The following ZNF112 variants were observed in gnomAD, a reference collection of about 807,000 sequenced individuals.
ZNF112 encodes zinc finger protein 112 (Y14).
A neutral mutation model predicts 77.7 loss-of-function variants in ZNF112; 37 were observed. That is an observed-to-expected ratio of 0.48 (90% CI 0.37 to 0.63). ZNF112 has a LOEUF of 0.63. Ranked by LOEUF, ZNF112 falls within the 20% of genes least tolerant of loss-of-function variation. ZNF112 has a pLI of 0.00. For missense variants in ZNF112, 950 were observed against 1,077.4 expected, an observed-to-expected ratio of 0.88 and a Z score of 1.66; for synonymous variants, 333 against 363.6, an observed-to-expected ratio of 0.92 and a Z score of 0.96.
chr19:44,329,205 C>T lies in ZNF112; in HGVS notation c.952G>A (p.Val318Met). 1 of 1,613,852 alleles carries T rather than the reference C, an allele frequency of 6.2e-7. No individual in the cohort carries two copies. The highest frequency in any genetic ancestry group is 1.1e-5 in the South Asian group (1 of 91,082). Residue 318 changes from valine to methionine, a missense_variant, in exon 4 of 4, where the codon GTG becomes ATG. Physicochemically the swap from Val to Met is conservative, Grantham distance 21 (BLOSUM62 1). Around this residue, in one of 3 missense-constraint regions of ZNF112, gnomAD observed 560 missense variants for 557.3 expected, o/e 1.00. Coordinates refer to ENST00000354340, the MANE Select transcript of ZNF112 (RefSeq NM_013380.4). ...ENSHLKSYQR[V>M]HTEEKPCKCG... ...TTGCATGGTTTCTCCTCTGTATGCA[C>T]TCTCTGATAGGATTTCAGATGTGAA...
At chr19:44,354,013 C>T (rs2571062) in intron 1 of ZNF112, among the ~76,000 whole-genome samples, 114,626 of 152,058 alleles carry the variant, frequency 0.75, 43,503 homozygotes, top group African/African-American at 0.85. Flanking sequence ...ATAAAGTGGA[C>T]ACTTCTGTTA....
In ZNF112 at chr19:44,327,583, A is replaced by T; in HGVS notation, c.2574T>A (p.Asp858Glu). 6.2e-7 allele frequency: 1 copy of T among 1,614,034 alleles called. No individual in the cohort carries two copies. Residue 858 changes from aspartate to glutamate, a missense_variant, in exon 4 of 4, where the codon GAT (aspartate) becomes GAA (glutamate). Physicochemically the swap from Asp to Glu is conservative, Grantham distance 45 (BLOSUM62 2). Around this residue, in one of 3 missense-constraint regions of ZNF112, gnomAD observed 373 missense variants for 482.8 expected, o/e 0.77. Coordinates refer to ENST00000354340, the MANE Select transcript of ZNF112 (RefSeq NM_013380.4). ...TCCAACGGAAACCCTTACCACATGC[A>T]TCACATTTGTATGGTTTCTCTCCTG... ...VHTGEKPYKCDACGKGFRWSS... is the reference protein window; with the variant it reads ...VHTGEKPYKCEACGKGFRWSS...
chr19:44,327,944 G>T lies in ZNF112; in HGVS notation c.2213C>A (p.Thr738Asn). 6.2e-7 allele frequency: 1 copy of T among 1,613,540 alleles called. No individual in the cohort carries two copies. Among genetic ancestry groups the T allele is most frequent in the East Asian group, 2.2e-5 (1 of 44,838 alleles). The change falls in exon 4 of 4, where the codon ACT (threonine) becomes AAT (asparagine). Residue 738 changes from threonine (T) to asparagine (N), a missense_variant. By Grantham distance (65) the Thr-to-Asn change is moderately conservative. Transcript: ENST00000354340. The part of the protein sequence containing the change: ...AYLQGHQRVH[T>N]RVKPYKCEMC... ...CTCACATTTATACGGTTTCACTCTA[G>T]TGTGGACTCTCTGATGACCTTGAAG...
At chr19:44,343,410 C>A in intron 1 of ZNF112, 1 of 881,944 alleles carries the variant, frequency 1.1e-6, no homozygotes, top group Non-Finnish European at 1.8e-6. Context: ...TGTGGCCACA[C>A]ACCGGCGTTA....
chr19:44,353,397 G>A (rs527319967), intron 1 of ZNF112, among the ~76,000 whole-genome samples: 138 of 152,136 alleles, frequency 9.1e-4, no homozygotes, highest in African/African-American at 3.2e-3. Flanking sequence ...TAAATTAGAT[G>A]TAATTAAAAT....
chr19:44,336,045 G>A (rs751753396), intron 3 of ZNF112, among the ~76,000 whole-genome samples: 11 of 152,196 alleles, frequency 7.2e-5, no homozygotes, highest in Non-Finnish European at 1.3e-4. Context: ...TGTCTCACTT[G>A]AAAATGCTGC....
rs368917794 is a variant in ZNF112 at position 44,329,836 on chromosome 19, T to C, written c.321A>G (p.Ala107=). 6.2e-7 allele frequency: 1 copy of C among 1,613,898 alleles called. No homozygotes were observed. The highest frequency in any genetic ancestry group is 1.3e-5 in the African/African-American group (1 of 74,942). The change falls in exon 4 of 4, where the codon GCA becomes GCG. Residue 107 remains alanine (A), a synonymous_variant. Coordinates refer to ENST00000354340, the MANE Select transcript of ZNF112 (RefSeq NM_013380.4). Reference sequence around the variant, plus strand: ...AATCTTGACACCTGATTAACCCACCTGCACTTTGTTGCCAGGTCTGACGGG... The same window carrying C: ...AATCTTGACACCTGATTAACCCACCCGCACTTTGTTGCCAGGTCTGACGGG... ...LSSRQTWQQS[A]GGLIRCQDFL...
chr19:44,337,831 A>G (rs1247841571), intron 2 of ZNF112, among the ~76,000 whole-genome samples: 2 of 29,742 alleles, frequency 6.7e-5, no homozygotes, highest in African/African-American at 1.4e-4. Flanking sequence ...GTATGTATAT[A>G]CATACACATA....
chr19:44,346,843 G>A (rs933008724), intron 1 of ZNF112, among the ~76,000 whole-genome samples: 1 of 152,196 alleles, frequency 6.6e-6, no homozygotes, highest in Non-Finnish European at 1.5e-5. Context: ...GCATCTGCGA[G>A]CTCAAAGACA....
At chr19:44,330,643 G>A (rs1013502390) in intron 3 of ZNF112, among the ~76,000 whole-genome samples, 3 of 152,174 alleles carry the variant, frequency 2.0e-5, no homozygotes, top group African/African-American at 7.2e-5. Flanking sequence ...GGCTGAGGCA[G>A]GAGAATAACT....
intron 1 of ZNF112, among the ~76,000 whole-genome samples, chr19:44,363,343 C>A (rs1970872435): frequency 6.6e-6 from 1 of 152,152 alleles, no homozygotes. Flanking sequence ...AGCTTAGATA[C>A]TAAAATTAGC....
intron 1 of ZNF112, among the ~76,000 whole-genome samples, chr19:44,366,798 T>TA (rs549078679): frequency 7.8e-4 from 115 of 146,694 alleles, no homozygotes; most frequent in Admixed American, 1.5e-3. Flanking sequence ...CTCGGGAAAT[T>TA]AAAAAAAAAA....
At chr19:44,335,110 T>G (rs1205369209) in intron 3 of ZNF112, among the ~76,000 whole-genome samples, 1 of 152,250 alleles carries the variant, frequency 6.6e-6, no homozygotes, top group Non-Finnish European at 1.5e-5. Context: ...GCCCAAGGCC[T>G]TGGGAGCTCA....
In ZNF112 at chr19:44,329,482, G is replaced by A. The variant is rs1970223507; in HGVS notation, c.675C>T (p.Tyr225=). The change falls in exon 4 of 4, where the codon TAC becomes TAT. Residue 225 remains tyrosine (Y), a synonymous_variant. Transcript: ENST00000354340. ...TATCTTCTCCACAGTCATGGCAGCTGTAGTTTTCTTTTCTGTGTACTTCCA... is the reference window on the plus strand; with the variant it reads ...TATCTTCTCCACAGTCATGGCAGCTATAGTTTTCTTTTCTGTGTACTTCCA... ...DKLEVHRKEN[Y]SCHDCGEDIM... is the part of the protein sequence containing the mutation. The A allele has an allele frequency of 1.2e-5, 19 of 1,614,096 alleles. No homozygotes were observed. Among genetic ancestry groups the A allele is most frequent in the Non-Finnish European group, 1.6e-5 (19 of 1,180,002 alleles).
chr19:44,342,686 G>T (rs1177560211), intron 1 of ZNF112, among the ~76,000 whole-genome samples: 1 of 151,766 alleles, frequency 6.6e-6, no homozygotes, highest in Non-Finnish European at 1.5e-5. Flanking sequence ...TGTGGTGGCA[G>T]GCACCTGTAA....
chr19:44,354,607 A>G (rs1200594721), intron 1 of ZNF112, among the ~76,000 whole-genome samples: 1 of 152,128 alleles, frequency 6.6e-6, no homozygotes, highest in Non-Finnish European at 1.5e-5. Context: ...TTCTATTTTG[A>G]TACCTAATTC....
rs749692613 is a variant in ZNF112 at position 44,328,464 on chromosome 19, G to A, written c.1693C>T (p.His565Tyr). The change falls in exon 4 of 4, where the codon CAT (histidine) becomes TAT (tyrosine). Residue 565 changes from histidine to tyrosine, a missense_variant. Transcript: ENST00000354340. ...GFSRSSYLQAHQRVHTGEKPY... is the reference protein window; with the variant it reads ...GFSRSSYLQAYQRVHTGEKPY... ...TTTTCTCCAGTGTGGACTCTCTGATGGGCTTGAAGATATGAACTCCGACTG... is the reference window on the plus strand; with the variant it reads ...TTTTCTCCAGTGTGGACTCTCTGATAGGCTTGAAGATATGAACTCCGACTG... The A allele has an allele frequency of 1.2e-6, 2 of 1,614,114 alleles. No homozygotes were observed. The highest frequency in any genetic ancestry group is 1.1e-5 in the South Asian group (1 of 91,080).
At chr19:44,334,824 A>C (rs1193233378) in intron 3 of ZNF112, among the ~76,000 whole-genome samples, 2 of 152,222 alleles carry the variant, frequency 1.3e-5, no homozygotes, top group African/African-American at 4.8e-5. Context: ...GGATTTATAG[A>C]AACACCTGGA....
chr19:44,359,315 C>CTT (rs767955186), upstream of ZNF112, among the ~76,000 whole-genome samples: 1,043 of 54,874 alleles, frequency 0.019, 236 homozygotes, highest in Non-Finnish European at 0.022. Flanking sequence ...TATTAGAGTT[C>CTT]TTTTTTTTTT....
Sources: gnomAD v4.1 joint callset for allele counts (sites outside exome capture counted in the v4.1 genomes callset) on GRCh38, gnomAD v4.1.1 for gene constraint, gnomAD v4.1.1 regional missense constraint, MANE v1.5 for transcripts, NCBI Gene and HGNC (gene_info 2026-07-23, HGNC 2026-07-21) for gene names.